AGPAT3: variants seen among roughly 807,000 people sequenced by gnomAD.
AGPAT3 encodes the protein 1-acyl-sn-glycerol-3-phosphate acyltransferase gamma.
Under a neutral mutation model 47.3 loss-of-function variants are expected in AGPAT3, and 5 were observed. The observed-to-expected ratio is 0.11, with a 90% CI of 0.06 to 0.22. AGPAT3 has a LOEUF of 0.22. Ranked by LOEUF, AGPAT3 falls within the 10% of genes least tolerant of loss-of-function variation. The pLI, the probability that AGPAT3 is intolerant of heterozygous loss-of-function variation, is 1.00. For synonymous variants in AGPAT3, 212 were observed against 208.3 expected (o/e 1.02, Z -0.15); for missense variants, 315 against 493.0 (o/e 0.64, Z 3.42).
chr21:43,873,408 C>T (rs1030559109), intron 1 of AGPAT3, among the ~76,000 whole-genome samples: 4 of 152,170 alleles, frequency 2.6e-5, no homozygotes, highest in South Asian at 4.1e-4. Context: ...ACCCATGTGC[C>T]CTGAGGACTC....
chr21:43,959,961 C>T (rs2088750361), intron 3 of AGPAT3, 102 bp downstream of exon 3: 1 of 1,315,638 alleles, frequency 7.6e-7, no homozygotes, highest in Non-Finnish European at 1.0e-6. Context: ...GAAGTGAGGG[C>T]TATGCAGGAG....
chr21:43,956,072 C>T (rs1403331320), intron 2 of AGPAT3, among the ~76,000 whole-genome samples: 3 of 152,068 alleles, frequency 2.0e-5, no homozygotes. Flanking sequence ...TGATGTGTGC[C>T]CCTGGGTGAG....
At position 43,986,280 on chromosome 21, in the gene AGPAT3, C is replaced by T. The variant is rs960595287; in HGVS notation, c.*3888C>T. On this transcript the variant is annotated 3_prime_UTR_variant, in exon 10 of 10. Transcript: ENST00000291572. ...ACAAACTGCTCGGGAAATAGAATGA[C>T]GGGAACACTTTTAGGGAGCCCAGGA... 5 of 152,168 alleles carry T rather than the reference C, an allele frequency of 3.3e-5. No homozygotes were observed. Among genetic ancestry groups the T allele is most frequent in the Middle Eastern group, 3.2e-3 (1 of 316 alleles). The allele number at this position is 152,168 out of a possible 1,614,324, so 9.4% of individuals were successfully genotyped here.
At chr21:43,899,597 G>C (rs2086305700) in intron 1 of AGPAT3, among the ~76,000 whole-genome samples, 1 of 152,172 alleles carries the variant, frequency 6.6e-6, no homozygotes, top group African/African-American at 2.4e-5. Flanking sequence ...AGGGAGCCCT[G>C]CTGCTTGGGC....
chr21:43,963,228 A>G (rs1211854217), intron 3 of AGPAT3, among the ~76,000 whole-genome samples: 1 of 152,200 alleles, frequency 6.6e-6, no homozygotes, highest in Non-Finnish European at 1.5e-5. Flanking sequence ...AACCTTCATA[A>G]AATAGGGCTT....
At position 43,981,306 on chromosome 21, in the gene AGPAT3, G is replaced by C; in HGVS notation, c.1042+119G>C. On this transcript the variant is annotated intron_variant, in intron 9 of 9. Coordinates refer to ENST00000291572, the MANE Select transcript of AGPAT3 (RefSeq NM_020132.5). This position sits in a 1 kb window ranked among gnomAD's most constrained non-coding sequence, Gnocchi z 5.3. Reference sequence around the variant, plus strand: ...GGGAGGCAGGGGCCTGGCTGTTATGGACCCTGGAGCCAGGATCCCCCCACG... The same window carrying C: ...GGGAGGCAGGGGCCTGGCTGTTATGCACCCTGGAGCCAGGATCCCCCCACG... 8.9e-7 allele frequency: 1 copy of C among 1,127,834 alleles called. No individual in the cohort carries two copies. The highest frequency in any genetic ancestry group is 1.5e-5 in the African/African-American group (1 of 65,864). The allele number at this position is 1,127,834 out of a possible 1,614,324, so 69.9% of individuals were successfully genotyped here. A position where few individuals can be genotyped will look rare whatever the true frequency, so the allele number is the denominator to read the frequency against.
At chr21:43,949,145 G>A (rs188972966) in intron 2 of AGPAT3, among the ~76,000 whole-genome samples, 1 of 152,092 alleles carries the variant, frequency 6.6e-6, no homozygotes, top group Admixed American at 6.5e-5. Context: ...TCTGGGGCTG[G>A]GGGGGAGCTT....
intron 7 of AGPAT3, among the ~76,000 whole-genome samples, chr21:43,976,512 A>G (rs926537210): frequency 6.6e-6 from 1 of 152,206 alleles, no homozygotes; most frequent in Admixed American, 6.5e-5. Flanking sequence ...AAATGAATTT[A>G]ATTTTAATCA....
At chr21:43,865,568 G>T (rs959420711) in intron 1 of AGPAT3, among the ~76,000 whole-genome samples, 1 of 149,156 alleles carries the variant, frequency 6.7e-6, no homozygotes, top group African/African-American at 2.4e-5. Flanking sequence ...GGTCCTGTGC[G>T]CCCCCCGCAA....
chr21:43,870,300 T>G (rs760410959), intron 1 of AGPAT3, among the ~76,000 whole-genome samples: 2 of 152,188 alleles, frequency 1.3e-5, no homozygotes, highest in Non-Finnish European at 2.9e-5. Context: ...ACTTAAGTTC[T>G]AGAACATTGG....
Position 43,920,089 on chromosome 21 carries a change from G to A in AGPAT3, c.-49+16070G>A, listed in dbSNP as rs1009603435. The stretch of plus-strand genomic sequence containing the variant: ...CACCTGAAGCTTGGAGAAGGGACAG[G>A]AGTGCACTGCAGGCGGGGGTGTGAC... On this transcript the variant is annotated intron_variant, in intron 2 of 9. Transcript: ENST00000291572. This position sits in a 1 kb window ranked among gnomAD's most constrained non-coding sequence, Gnocchi z 6.1. Among the ~76,000 whole-genome samples the A allele has an allele frequency of 1.3e-5, 2 of 152,194 alleles. No homozygotes were observed. Among genetic ancestry groups the A allele is most frequent in the African/African-American group, 4.8e-5 (2 of 41,430 alleles).
At chr21:43,876,238 A>G (rs976136498) in intron 1 of AGPAT3, among the ~76,000 whole-genome samples, 4 of 151,796 alleles carry the variant, frequency 2.6e-5, no homozygotes, top group Non-Finnish European at 5.9e-5. Context: ...CTTATTTTCT[A>G]TACTGTAACT....
At chr21:43,912,924 G>A (rs1819507617) in intron 2 of AGPAT3, among the ~76,000 whole-genome samples, 1 of 152,250 alleles carries the variant, frequency 6.6e-6, no homozygotes, top group African/African-American at 2.4e-5. Flanking sequence ...CCCAGCGAGT[G>A]AAATGCTGAC....
intron 7 of AGPAT3, 80 bp from the exon 8 acceptor site, chr21:43,977,966 C>G: frequency 8.5e-7 from 1 of 1,170,632 alleles, no homozygotes; most frequent in Non-Finnish European, 1.2e-6. Flanking sequence ...CCCTGGCACA[C>G]GACATGTTCC....
intron 7 of AGPAT3, among the ~76,000 whole-genome samples, chr21:43,977,446 C>T (rs1278067746): frequency 6.6e-6 from 1 of 152,218 alleles, no homozygotes; most frequent in African/African-American, 2.4e-5. Context: ...TTAAATCACT[C>T]GTGGGCACCC....
intron 1 of AGPAT3, among the ~76,000 whole-genome samples, chr21:43,874,440 CT>C: frequency 6.6e-6 from 1 of 152,260 alleles, no homozygotes; most frequent in East Asian, 1.9e-4. Context: ...TTTTATTATT[CT>C]TCCATGACCC....
intron 2 of AGPAT3, among the ~76,000 whole-genome samples, chr21:43,944,243 T>A (rs1399337198): frequency 2.0e-5 from 3 of 152,210 alleles, no homozygotes; most frequent in Admixed American, 2.0e-4. Flanking sequence ...CCCTCGCCAC[T>A]CTGGAGCGAT....
intron 1 of AGPAT3, among the ~76,000 whole-genome samples, chr21:43,872,900 C>T (rs1297121918): frequency 6.6e-6 from 1 of 152,220 alleles, no homozygotes; most frequent in East Asian, 1.9e-4. Flanking sequence ...AACAAAGTGA[C>T]CCAAAAGCAA....
intron 3 of AGPAT3, among the ~76,000 whole-genome samples, chr21:43,960,465 T>G (rs2088776908): frequency 6.6e-6 from 1 of 152,206 alleles, no homozygotes; most frequent in African/African-American, 2.4e-5. Context: ...CAGGCGCATC[T>G]CTGGAGGGTG....
Sources: allele counts gnomAD v4.1 joint callset (sites outside exome capture counted in the v4.1 genomes callset), GRCh38; gene constraint gnomAD v4.1.1; non-coding constraint Gnocchi (gnomAD v3.1); transcripts MANE v1.5; gene names NCBI Gene and HGNC (gene_info 2026-07-23, HGNC 2026-07-21).